DOK6: variants seen among roughly 807,000 people sequenced by gnomAD.
The protein encoded by DOK6 is downstream of tyrosine kinase 6.
Under a neutral mutation model 44.0 loss-of-function variants are expected in DOK6, and 22 were observed. The observed-to-expected ratio is 0.50, with a 90% CI of 0.36 to 0.71. DOK6 has a LOEUF of 0.71. DOK6 is among the 30% of genes least tolerant of loss of function. The pLI, the probability that DOK6 is intolerant of heterozygous loss-of-function variation, is 0.00. For missense variants in DOK6, 340 were observed against 416.4 expected (o/e 0.82, Z 1.60); for synonymous variants, 166 against 145.5 (o/e 1.14, Z -1.01).
intron 7 of DOK6, among the ~76,000 whole-genome samples, chr18:69,839,301 C>T: frequency 7.0e-6 from 1 of 142,500 alleles, no homozygotes; most frequent in South Asian, 2.4e-4. Context: ...TTCCCCTGGT[C>T]CTGCCCCTAG....
In DOK6 at chr18:69,647,171, CT is replaced by C. The variant is rs574937369; in HGVS notation, c.290-30562del. On this transcript the variant is annotated intron_variant, in intron 3 of 7. Transcript: ENST00000382713. ...TATCCATCTATCCTATCCATCTATCCTATCCATCTATCCATCCATCTACCTA... is the reference window on the plus strand; with the variant it reads ...TATCCATCTATCCTATCCATCTATCCATCCATCTATCCATCCATCTACCTA... Among the ~76,000 whole-genome samples, 9 of 147,686 alleles carry C rather than the reference CT, an allele frequency of 6.1e-5. No homozygotes were observed. The East Asian group carries it at 9.9e-4, about 16-fold the overall frequency.
intron 1 of DOK6, among the ~76,000 whole-genome samples, chr18:69,476,441 G>A (rs74563261): frequency 0.069 from 10,471 of 151,760 alleles, 1,116 homozygotes; most frequent in African/African-American, 0.23. Context: ...AAATCAGAGG[G>A]ATTCTTGGAA....
At chr18:69,736,000 T>A (rs558748762) in intron 5 of DOK6, among the ~76,000 whole-genome samples, 1 of 152,334 alleles carries the variant, frequency 6.6e-6, no homozygotes, top group East Asian at 1.9e-4. Context: ...GAGAAGTTAA[T>A]AGGTAAAATA....
intron 7 of DOK6, among the ~76,000 whole-genome samples, chr18:69,807,694 CAAAT>C (rs1314470434): frequency 6.6e-6 from 1 of 151,622 alleles, no homozygotes; most frequent in East Asian, 1.9e-4. Flanking sequence ...TAAAATGAAA[CAAAT>C]AAGATCATTA....
intron 2 of DOK6, among the ~76,000 whole-genome samples, chr18:69,578,509 G>C (rs893489478): frequency 3.9e-5 from 6 of 152,168 alleles, no homozygotes; most frequent in Non-Finnish European, 7.4e-5. Flanking sequence ...ATCAGATAGT[G>C]TGAAAGAATG....
At chr18:69,683,743 T>A (rs1045275329) in intron 4 of DOK6, among the ~76,000 whole-genome samples, 1 of 152,230 alleles carries the variant, frequency 6.6e-6, no homozygotes, top group African/African-American at 2.4e-5. Flanking sequence ...ACTGTTATTT[T>A]AAGCCAACCA....
chr18:69,807,961 A>G (rs1015278319), intron 7 of DOK6, among the ~76,000 whole-genome samples: 3 of 151,850 alleles, frequency 2.0e-5, no homozygotes, highest in African/African-American at 7.2e-5. Context: ...ACAGACATAT[A>G]CAAAGCATTC....
At chr18:69,734,753 T>C (rs529896635) in intron 5 of DOK6, among the ~76,000 whole-genome samples, 3 of 152,224 alleles carry the variant, frequency 2.0e-5, no homozygotes, top group Non-Finnish European at 4.4e-5. Flanking sequence ...CTAATTCATC[T>C]GTAGCAAAGT....
At chr18:69,620,869 A>G (rs1398804122) in intron 3 of DOK6, among the ~76,000 whole-genome samples, 1 of 152,166 alleles carries the variant, frequency 6.6e-6, no homozygotes, top group Non-Finnish European at 1.5e-5. Context: ...TGTACAAGAA[A>G]CTTCAAAATG....
chr18:69,625,634 G>C (rs1177236767), intron 3 of DOK6, among the ~76,000 whole-genome samples: 1 of 152,142 alleles, frequency 6.6e-6, no homozygotes, highest in African/African-American at 2.4e-5. Context: ...TGTAAAAGCA[G>C]GTATCTTAAT....
intron 3 of DOK6, among the ~76,000 whole-genome samples, chr18:69,629,470 A>C (rs1268091243): frequency 3.9e-5 from 6 of 152,208 alleles, no homozygotes; most frequent in Non-Finnish European, 8.8e-5. Flanking sequence ...TTTTGCTCCG[A>C]CATCTTCCTC....
chr18:69,744,696 G>A (rs984935027), intron 6 of DOK6, among the ~76,000 whole-genome samples: 12 of 151,846 alleles, frequency 7.9e-5, no homozygotes, highest in East Asian at 1.9e-4. Flanking sequence ...AGGCCGAGGC[G>A]GACAGATCAC....
At position 69,544,356 on chromosome 18, in the gene DOK6, T is replaced by A. The variant is rs114946453; in HGVS notation, c.67-20131T>A. Among the ~76,000 whole-genome samples, 154 of 151,728 alleles carry A rather than the reference T, an allele frequency of 1.0e-3. 1 individual carries two copies. The highest frequency in any genetic ancestry group is 3.6e-3 in the African/African-American group (149 of 41,484). On this transcript the variant is annotated intron_variant, in intron 1 of 7. Transcript: ENST00000382713. ...CGTTAGTGATGCTTTCATACATTTT[T>A]CAAGGGAGAAACTGTACACAAGGAA...
chr18:69,583,634 A>C (rs572605006), intron 2 of DOK6, among the ~76,000 whole-genome samples: 7 of 152,190 alleles, frequency 4.6e-5, no homozygotes, highest in Admixed American at 2.6e-4. Context: ...ATTTCATCAT[A>C]GGCCAGGCAT....
intron 3 of DOK6, among the ~76,000 whole-genome samples, chr18:69,638,873 G>C (rs370975098): frequency 2.0e-4 from 30 of 152,300 alleles, no homozygotes; most frequent in African/African-American, 7.2e-4. Flanking sequence ...ATTATGGCTA[G>C]TTAGAAGTGG....
intron 7 of DOK6, among the ~76,000 whole-genome samples, chr18:69,807,865 C>T (rs867563243): frequency 2.0e-5 from 3 of 151,698 alleles, no homozygotes; most frequent in African/African-American, 7.2e-5. Context: ...CAATATCTTA[C>T]TTTTAGCAAT....
At chr18:69,750,421 C>T (rs1176964539) in intron 6 of DOK6, among the ~76,000 whole-genome samples, 1 of 152,110 alleles carries the variant, frequency 6.6e-6, no homozygotes, top group Non-Finnish European at 1.5e-5. Flanking sequence ...GGGCAAGGAA[C>T]ATGAGCAGAC....
At chr18:69,782,210 ATTTT>A (rs10712475) in intron 7 of DOK6, among the ~76,000 whole-genome samples, 3 of 109,124 alleles carry the variant, frequency 2.7e-5, no homozygotes, top group Admixed American at 9.9e-5. Flanking sequence ...GTGTTCTAAG[ATTTT>A]TTTTTTTTTT....
At chr18:69,601,874 CT>C (rs1410504660) in intron 3 of DOK6, among the ~76,000 whole-genome samples, 4 of 152,208 alleles carry the variant, frequency 2.6e-5, no homozygotes, top group Admixed American at 6.5e-5. Flanking sequence ...CACACGAATG[CT>C]TCTGTATGTC....
Sources: gnomAD v4.1 joint callset for allele counts (sites outside exome capture counted in the v4.1 genomes callset) on GRCh38, gnomAD v4.1.1 for gene constraint, MANE v1.5 for transcripts, NCBI Gene and HGNC (gene_info 2026-07-23, HGNC 2026-07-21) for gene names.